Variants in PDE1A observed in about 807,000 individuals in gnomAD.
PDE1A encodes the protein dual specificity calcium/calmodulin-dependent 3',5'-cyclic nucleotide phosphodiesterase 1A.
A neutral mutation model predicts 61.7 loss-of-function variants in PDE1A; 35 were observed. The ratio of observed to expected loss-of-function variants is 0.57; its 90% confidence interval spans 0.43 to 0.75. The LOEUF (loss-of-function observed/expected upper bound fraction) is 0.75. Among genes scored for constraint, PDE1A ranks in the 30% least tolerant of loss-of-function variants. The pLI is 0.00. For synonymous variants in PDE1A, 232 were observed against 213.2 expected (o/e 1.09, Z -0.77); for missense variants, 597 against 630.6 (o/e 0.95, Z 0.57).
At chr2:182,155,513 A>C (rs1691029519) in intron 13 of PDE1A, among the ~76,000 whole-genome samples, 1 of 152,176 alleles carries the variant, frequency 6.6e-6, no homozygotes, top group Non-Finnish European at 1.5e-5. Context: ...AACATGTATA[A>C]TTCATCTTTA....
the PDE1A span, among the ~76,000 whole-genome samples, chr2:182,576,511 T>C: frequency 6.6e-6 from 1 of 152,210 alleles, no homozygotes; most frequent in Non-Finnish European, 1.5e-5. Context: ...ATTGTGAATA[T>C]TGTGGCTATG....
intron 1 of PDE1A, among the ~76,000 whole-genome samples, chr2:182,338,805 A>C (rs894955301): frequency 1.3e-5 from 2 of 152,142 alleles, no homozygotes; most frequent in African/African-American, 4.8e-5. Flanking sequence ...TACAGGTGTG[A>C]CCCGCTGTGC....
At chr2:182,335,007 G>A (rs1697695427) in intron 1 of PDE1A, among the ~76,000 whole-genome samples, 1 of 152,142 alleles carries the variant, frequency 6.6e-6, no homozygotes, top group Non-Finnish European at 1.5e-5. Context: ...GCCAAATCAT[G>A]AGTGAACCCC....
rs143271348 is a variant in PDE1A, at chr2:182,398,556, A to G, written c.53+28022T>C. 1.9e-4 allele frequency among the ~76,000 whole-genome samples: 29 copies of G among 152,130 alleles called. No homozygotes were observed. The East Asian group carries it at 4.0e-3, about 21-fold the overall frequency. ...TGAATTAAGATTCCTTATAAAATAT[A>G]TGACCTTATTTTCAGCATCCTCAAT... is the stretch of plus-strand genomic sequence containing the variant. On this transcript the variant is annotated intron_variant, in intron 1 of 13. Transcript: ENST00000351439.
intron 2 of PDE1A, among the ~76,000 whole-genome samples, chr2:182,472,087 G>T (rs994222876): frequency 6.6e-6 from 1 of 151,576 alleles, no homozygotes; most frequent in East Asian, 1.9e-4. Context: ...GGAAAGAAAG[G>T]AACTTAAAAC....
At chr2:182,504,097 A>T (rs1689255122) in intron 2 of PDE1A, among the ~76,000 whole-genome samples, 2 of 152,200 alleles carry the variant, frequency 1.3e-5, no homozygotes, top group African/African-American at 2.4e-5. Context: ...AGTGGCTAAG[A>T]TTACCATAGT....
At chr2:182,607,531 C>A in the PDE1A span, among the ~76,000 whole-genome samples, 2,717 of 152,272 alleles carry the variant, frequency 0.018, 46 homozygotes, top group South Asian at 0.033. Flanking sequence ...GCAGAACCCA[C>A]ATACATGTGA....
chr2:182,467,457 G>A (rs2125791475), intron 2 of PDE1A, among the ~76,000 whole-genome samples: 1 of 151,878 alleles, frequency 6.6e-6, no homozygotes, highest in African/African-American at 2.4e-5. Flanking sequence ...AGCTTCAATG[G>A]GGAATTATAT....
At chr2:182,626,495 G>A in the PDE1A span, among the ~76,000 whole-genome samples, 1 of 151,038 alleles carries the variant, frequency 6.6e-6, no homozygotes, top group East Asian at 1.9e-4. Flanking sequence ...AACACATGTT[G>A]AACATATTAA....
At chr2:182,235,197 G>C (rs1689912988) in intron 3 of PDE1A, among the ~76,000 whole-genome samples, 1 of 152,168 alleles carries the variant, frequency 6.6e-6, no homozygotes, top group African/African-American at 2.4e-5. Context: ...AAGCTGGAGT[G>C]CAGTGGTGTG....
chr2:182,381,973 A>G (rs1186549819), intron 1 of PDE1A, among the ~76,000 whole-genome samples: 1 of 151,974 alleles, frequency 6.6e-6, no homozygotes, highest in East Asian at 1.9e-4. Flanking sequence ...ATTATTATAC[A>G]TTTCTGTAAC....
chr2:182,575,676 C>T, the PDE1A span, among the ~76,000 whole-genome samples: 23 of 148,080 alleles, frequency 1.6e-4, no homozygotes, highest in African/African-American at 5.7e-4. Flanking sequence ...GGGAGGAACG[C>T]TGCCACCAGG....
At chr2:182,377,199 G>T (rs1034611446) in intron 1 of PDE1A, among the ~76,000 whole-genome samples, 2 of 152,206 alleles carry the variant, frequency 1.3e-5, no homozygotes, top group Non-Finnish European at 2.9e-5. Flanking sequence ...CTAGTGAGAA[G>T]TATTTGGTTC....
intron 1 of PDE1A, chr2:182,522,427 A>G: frequency 6.2e-7 from 1 of 1,610,964 alleles, no homozygotes; most frequent in Non-Finnish European, 8.5e-7. Flanking sequence ...CAGCTAGAAC[A>G]AGCATTCCTC....
chr2:182,255,923 C>T (rs570424524), intron 2 of PDE1A, among the ~76,000 whole-genome samples: 40 of 151,888 alleles, frequency 2.6e-4, no homozygotes, highest in Non-Finnish European at 4.7e-4. Context: ...CCACCCGCCT[C>T]GGCCTCCCAA....
intron 2 of PDE1A, among the ~76,000 whole-genome samples, chr2:182,496,379 G>A (rs2125901033): frequency 6.6e-6 from 1 of 152,294 alleles, no homozygotes; most frequent in East Asian, 1.9e-4. Flanking sequence ...ATGTGGTTAT[G>A]TATCTTTTTT....
At chr2:182,264,229 G>C in intron 2 of PDE1A, 72 bp downstream of exon 2, 1 of 959,472 alleles carries the variant, frequency 1.0e-6, no homozygotes, top group Admixed American at 2.1e-5. Flanking sequence ...TTGAGATAAA[G>C]GAGGGTCAAG....
chr2:182,301,875 C>T lies in PDE1A; in HGVS notation c.54-37461G>A, dbSNP rs535499827. Among the ~76,000 whole-genome samples, 9 of 152,244 alleles carry T rather than the reference C, an allele frequency of 5.9e-5. No individual in the cohort carries two copies. The South Asian group carries it at 1.9e-3, about 32-fold the overall frequency. The stretch of plus-strand genomic sequence containing the variant: ...TGTTACCCATAGGACAAACCTACAC[C>T]TACAGAACTACTGGCCAAGGATGAG... On this transcript the variant is annotated intron_variant, in intron 1 of 13. Transcript: ENST00000351439.
Position 182,358,857 on chromosome 2 carries a change from G to A in PDE1A, c.53+67721C>T, listed in dbSNP as rs189163733. 2.1e-4 allele frequency among the ~76,000 whole-genome samples: 32 copies of A among 152,190 alleles called. 1 individual carries two copies. Among genetic ancestry groups the A allele is most frequent in the African/African-American group, 6.0e-4 (25 of 41,554 alleles). On this transcript the variant is annotated intron_variant, in intron 1 of 13. Transcript: ENST00000351439. The stretch of plus-strand genomic sequence containing the variant: ...AGTTTTGTTTCTTGTTATTAGAAGA[G>A]ATGGCATTCAAACTGAGGCCATCTG...
Sources: gnomAD v4.1 joint callset for allele counts (sites outside exome capture counted in the v4.1 genomes callset) on GRCh38, gnomAD v4.1.1 for gene constraint, MANE v1.5 for transcripts, NCBI Gene and HGNC (gene_info 2026-07-23, HGNC 2026-07-21) for gene names.